The following NTNG2 variants were observed in gnomAD, a reference collection of about 807,000 sequenced individuals.
NTNG2 encodes netrin-G2.
A neutral mutation model predicts 47.6 loss-of-function variants in NTNG2; 15 were observed. The observed-to-expected ratio is 0.32, with a 90% CI of 0.21 to 0.49. NTNG2 has a LOEUF of 0.49. NTNG2 is among the 20% of genes least tolerant of loss of function. NTNG2 has a pLI of 0.99. For missense variants in NTNG2, 578 were observed against 764.6 expected (o/e 0.76, Z 2.88); for synonymous variants, 307 against 324.6 (o/e 0.95, Z 0.58).
At chr9:132,191,450 T>G (rs1837880338) in intron 2 of NTNG2, among the ~76,000 whole-genome samples, 1 of 152,094 alleles carries the variant, frequency 6.6e-6, no homozygotes, top group Non-Finnish European at 1.5e-5. Flanking sequence ...CTCAGAGAAG[T>G]CAAGTGACTT....
intron 2 of NTNG2, among the ~76,000 whole-genome samples, chr9:132,181,536 A>G (rs1836936826): frequency 1.3e-5 from 2 of 151,984 alleles, no homozygotes; most frequent in South Asian, 4.2e-4. Context: ...GGCCAGGCTG[A>G]TCTCCTGACC....
chr9:132,191,835 T>C (rs62577497), intron 2 of NTNG2, among the ~76,000 whole-genome samples: 14,132 of 152,174 alleles, frequency 0.093, 714 homozygotes, highest in Middle Eastern at 0.16. Flanking sequence ...CCTCCCAGAG[T>C]GCTTGGATTA....
In NTNG2 at chr9:132,215,798, G is replaced by C. The variant is rs1463326404; in HGVS notation, c.858-11051G>C. Among the ~76,000 whole-genome samples, 2 of 152,232 alleles carry C rather than the reference G, an allele frequency of 1.3e-5. No individual in the cohort carries two copies. Among genetic ancestry groups the C allele is most frequent in the Non-Finnish European group, 1.5e-5 (1 of 68,014 alleles). ...CCTGCCCTTGGGGTCAGGCACCTCA[G>C]GGCTGCCAGGTAAGGCCGATCTTGG... On this transcript the variant is annotated intron_variant, in intron 3 of 7. Coordinates refer to ENST00000393229, the MANE Select transcript of NTNG2 (RefSeq NM_032536.4). The surrounding 1 kb of genome is among the most constrained non-coding windows in gnomAD (Gnocchi z 4.2).
chr9:132,209,199 C>G (rs1411304036), intron 3 of NTNG2, among the ~76,000 whole-genome samples: 1 of 152,240 alleles, frequency 6.6e-6, no homozygotes, highest in Admixed American at 6.5e-5. Context: ...GGTAAACACC[C>G]AGGTGTGGAC....
chr9:132,237,997 C>G (rs2131032283), intron 5 of NTNG2, among the ~76,000 whole-genome samples: 1 of 152,312 alleles, frequency 6.6e-6, no homozygotes, highest in East Asian at 1.9e-4. Context: ...TCTCTAGTCT[C>G]CCATGCCCTT....
intron 2 of NTNG2, among the ~76,000 whole-genome samples, chr9:132,177,748 C>A (rs769384672): frequency 5.9e-5 from 9 of 152,214 alleles, no homozygotes; most frequent in African/African-American, 2.2e-4. Context: ...ACCTCCCCCT[C>A]CCGGGTTCAA....
chr9:132,228,375 C>T (rs1244167588), intron 4 of NTNG2, among the ~76,000 whole-genome samples: 1 of 152,220 alleles, frequency 6.6e-6, no homozygotes, highest in Non-Finnish European at 1.5e-5. Flanking sequence ...CAGCCCACTC[C>T]AGCCGCTGCC....
Position 132,230,579 on chromosome 9 carries a change from T to C in NTNG2, c.1038T>C (p.Thr346=). 6.2e-7 allele frequency: 1 copy of C among 1,604,878 alleles called. No homozygotes were observed. Among genetic ancestry groups the C allele is most frequent in the East Asian group, 2.2e-5 (1 of 44,660 alleles). The part of the protein sequence containing the change: ...LPHGSPNACA[T]AGSFGNCECY... ...CCCGTCTCTCTCCCACAGGTGCCAC[T>C]GCAGGTTCCTTTGGCAGTAAGTACA... The change falls in exon 5 of 8, where the codon ACT becomes ACC. Residue 346 remains threonine, a synonymous_variant. Coordinates refer to ENST00000393229, the MANE Select transcript of NTNG2 (RefSeq NM_032536.4).
At chr9:132,241,153 T>C in intron 7 of NTNG2, 109 bp downstream of exon 7, 1 of 1,272,120 alleles carries the variant, frequency 7.9e-7, no homozygotes, top group South Asian at 1.7e-5. Context: ...GGACTGGGCC[T>C]AGCAAGACGG....
intron 2 of NTNG2, among the ~76,000 whole-genome samples, chr9:132,185,020 T>C (rs890998620): frequency 6.6e-6 from 1 of 150,652 alleles, no homozygotes; most frequent in Non-Finnish European, 1.5e-5. Context: ...GCTGGGGCTC[T>C]GAGGAGGAGC....
rs1325504620 is a variant in NTNG2, at chr9:132,221,104, G to A, written c.858-5745G>A. 1.3e-5 allele frequency among the ~76,000 whole-genome samples: 2 copies of A among 152,144 alleles called. No individual in the cohort carries two copies. Among genetic ancestry groups the A allele is most frequent in the Non-Finnish European group, 1.5e-5 (1 of 68,044 alleles). On this transcript the variant is annotated intron_variant, in intron 3 of 7. Coordinates refer to ENST00000393229, the MANE Select transcript of NTNG2 (RefSeq NM_032536.4). The surrounding 1 kb of genome is among the most constrained non-coding windows in gnomAD (Gnocchi z 4.2). Reference sequence around the variant, plus strand: ...AGTGCTGATCATGATGAGTTTTATGGGGAGGGAGAGTGTAGCAGGGGCTGA... The same window carrying A: ...AGTGCTGATCATGATGAGTTTTATGAGGAGGGAGAGTGTAGCAGGGGCTGA...
At chr9:132,198,719 T>C (rs1364085437) in intron 3 of NTNG2, 110 bp downstream of exon 3, 2 of 1,165,000 alleles carry the variant, frequency 1.7e-6, no homozygotes, top group Non-Finnish European at 2.4e-6. Flanking sequence ...CATGACCGGG[T>C]TCTTGGGATG....
intron 2 of NTNG2, among the ~76,000 whole-genome samples, chr9:132,178,835 A>G (rs889568474): frequency 6.6e-6 from 1 of 151,484 alleles, no homozygotes; most frequent in Non-Finnish European, 1.5e-5. Context: ...GCACACCTGT[A>G]GTCCCAGCTA....
At position 132,189,068 on chromosome 9, in the gene NTNG2, C is replaced by CTTTTTTTTTTTTTTTTTTTTTTTTTTTT. The variant is rs749756559; in HGVS notation, c.214-8871_214-8870insTTTTTTTTTTTTTTTTTTTTTTTTTTTT. ...TATGTGAAAAAGGCTTTAAGCCTTT[C>CTTTTTTTTTTTTTTTTTTTTTTTTTTTT]TTTTTTTTTTTTTTTTTTTTTTTTT... On this transcript the variant is annotated intron_variant, in intron 2 of 7. Transcript: ENST00000393229. Among the ~76,000 whole-genome samples the CTTTTTTTTTTTTTTTTTTTTTTTTTTTT allele has an allele frequency of 8.6e-5, 8 of 93,280 alleles. 2 individuals carry two copies. Among genetic ancestry groups the CTTTTTTTTTTTTTTTTTTTTTTTTTTTT allele is most frequent in the African/African-American group, 1.4e-4 (3 of 21,986 alleles). 61.2% of individuals were successfully genotyped at this position (93,280 alleles called of 152,430 possible). A position where few individuals can be genotyped will look rare whatever the true frequency, so the allele number is the denominator to read the frequency against.
At chr9:132,190,973 G>A (rs1258427380) in intron 2 of NTNG2, among the ~76,000 whole-genome samples, 1 of 152,180 alleles carries the variant, frequency 6.6e-6, no homozygotes, top group African/African-American at 2.4e-5. Context: ...GACATGATGG[G>A]CTTGGTTTCC....
rs1840118863 is a variant in NTNG2, at chr9:132,218,262, C to A, written c.858-8587C>A. 1.3e-5 allele frequency among the ~76,000 whole-genome samples: 2 copies of A among 152,214 alleles called. No individual in the cohort carries two copies. The highest frequency in any genetic ancestry group is 2.9e-5 in the Non-Finnish European group (2 of 68,048). On this transcript the variant is annotated intron_variant, in intron 3 of 7. Transcript: ENST00000393229. This position sits in a 1 kb window ranked among gnomAD's most constrained non-coding sequence, Gnocchi z 5.4. ...AAGTCCTGCGTCTGCCCCTTACCAG[C>A]TGTGGAACCTCAGGCAGCTCACTTC...
At chr9:132,171,103 CG>C (rs1405767182) in intron 2 of NTNG2, among the ~76,000 whole-genome samples, 1 of 152,196 alleles carries the variant, frequency 6.6e-6, no homozygotes, top group East Asian at 1.9e-4. Flanking sequence ...CTTGCCAAGG[CG>C]GGGGGTCTGT....
intron 3 of NTNG2, among the ~76,000 whole-genome samples, chr9:132,219,587 AAG>A (rs561646976): frequency 0.43 from 57,084 of 131,244 alleles, 12,396 homozygotes; most frequent in African/African-American, 0.49. Context: ...AAAAAAAAAA[AAG>A]AAAGAAAGAA....
At chr9:132,183,242 C>T (rs1837086664) in intron 2 of NTNG2, among the ~76,000 whole-genome samples, 1 of 152,186 alleles carries the variant, frequency 6.6e-6, no homozygotes, top group Non-Finnish European at 1.5e-5. Flanking sequence ...AGGCTCTTCA[C>T]CTGTCTTCCT....
Sources: gnomAD v4.1 joint callset for allele counts (sites outside exome capture counted in the v4.1 genomes callset) on GRCh38, gnomAD v4.1.1 for gene constraint, Gnocchi (gnomAD v3.1) non-coding constraint, MANE v1.5 for transcripts, NCBI Gene and HGNC (gene_info 2026-07-23, HGNC 2026-07-21) for gene names.